The following RIMS2 variants were observed in gnomAD, a reference collection of about 807,000 sequenced individuals.
The protein encoded by RIMS2 is regulating synaptic membrane exocytosis 2.
In RIMS2, 59 loss-of-function variants were observed where a neutral mutation model predicts 174.4. That is an observed-to-expected ratio of 0.34 (90% CI 0.27 to 0.42). The LOEUF is 0.42. Ranked by LOEUF, RIMS2 falls within the 10% of genes least tolerant of loss-of-function variation. The pLI, the probability that RIMS2 is intolerant of heterozygous loss-of-function variation, is 1.00. For synonymous variants in RIMS2, 606 were observed against 572.5 expected (o/e 1.06, Z -0.84); for missense variants, 1,620 against 1,666.3 (o/e 0.97, Z 0.48).
intron 3 of RIMS2, among the ~76,000 whole-genome samples, chr8:103,875,554 A>G (rs1565051587): frequency 6.6e-6 from 1 of 152,022 alleles, no homozygotes; most frequent in Non-Finnish European, 1.5e-5. Flanking sequence ...GCCATCGTAA[A>G]TTGTACTGTG....
intron 1 of RIMS2, among the ~76,000 whole-genome samples, chr8:103,683,320 G>C (rs951248588): frequency 3.3e-5 from 5 of 152,264 alleles, no homozygotes; most frequent in Non-Finnish European, 5.9e-5. Flanking sequence ...TGGTTAAAGA[G>C]GAAGTAAGAG....
At chr8:103,773,142 GA>G (rs889613439) in intron 3 of RIMS2, among the ~76,000 whole-genome samples, 226 of 144,828 alleles carry the variant, frequency 1.6e-3, no homozygotes, top group African/African-American at 3.9e-3. Flanking sequence ...TCTATAAAAT[GA>G]AAAAAAAAAT....
chr8:103,724,366 T>C (rs913492224), intron 2 of RIMS2, among the ~76,000 whole-genome samples: 6 of 152,230 alleles, frequency 3.9e-5, no homozygotes, highest in African/African-American at 1.4e-4. Context: ...TCATTTGTAT[T>C]ACTATATTTG....
chr8:103,721,910 T>C (rs773064971), intron 2 of RIMS2, among the ~76,000 whole-genome samples: 2 of 152,132 alleles, frequency 1.3e-5, no homozygotes, highest in African/African-American at 2.4e-5. Context: ...GCTTTCTGCA[T>C]TGAATGAGGA....
At chr8:104,151,416 A>G (rs2098688304) in intron 19 of RIMS2, among the ~76,000 whole-genome samples, 2 of 152,164 alleles carry the variant, frequency 1.3e-5, no homozygotes, top group East Asian at 1.9e-4. Context: ...AAAAAATACA[A>G]AAGTTAGCCC....
intron 1 of RIMS2, among the ~76,000 whole-genome samples, chr8:103,548,496 C>A (rs527562099): frequency 6.6e-6 from 1 of 151,540 alleles, no homozygotes; most frequent in East Asian, 1.9e-4. Flanking sequence ...TTGCAACAAA[C>A]TAGGCATTGA....
At chr8:103,760,873 A>G (rs1053615486) in intron 2 of RIMS2, among the ~76,000 whole-genome samples, 2 of 152,262 alleles carry the variant, frequency 1.3e-5, no homozygotes, top group Non-Finnish European at 2.9e-5. Context: ...TAAATATTGT[A>G]TAAGTAAATA....
At chr8:103,602,040 C>G (rs1164979397) in intron 1 of RIMS2, among the ~76,000 whole-genome samples, 1 of 152,024 alleles carries the variant, frequency 6.6e-6, no homozygotes, top group Non-Finnish European at 1.5e-5. Context: ...GGCTGGAGTG[C>G]AGTGGCATGA....
At chr8:103,654,822 G>C (rs1401570120) in intron 1 of RIMS2, among the ~76,000 whole-genome samples, 1 of 151,818 alleles carries the variant, frequency 6.6e-6, no homozygotes, top group East Asian at 1.9e-4. Context: ...TTCATTTTAA[G>C]TTTTAAATGT....
At chr8:104,126,105 C>A (rs912073861) in intron 19 of RIMS2, among the ~76,000 whole-genome samples, 32 of 152,098 alleles carry the variant, frequency 2.1e-4, no homozygotes, top group African/African-American at 7.7e-4. Flanking sequence ...GCACCAGGGA[C>A]CAGTTTCATG....
At chr8:103,885,986 A>G (rs747899633) in exon 4 of RIMS2, 4 of 1,613,046 alleles carry the variant, frequency 2.5e-6, no homozygotes, top group South Asian at 1.1e-5. Context: ...CTTAGATCCT[A>G]GCTCTGCTGT....
intron 3 of RIMS2, among the ~76,000 whole-genome samples, chr8:103,787,578 T>G (rs2098455688): frequency 6.6e-6 from 1 of 152,176 alleles, no homozygotes; most frequent in South Asian, 2.1e-4. Flanking sequence ...ATTCTTTTCT[T>G]TAAGAATGTT....
intron 19 of RIMS2, among the ~76,000 whole-genome samples, chr8:104,131,461 A>C (rs2132976688): frequency 6.6e-6 from 1 of 152,268 alleles, no homozygotes; most frequent in East Asian, 1.9e-4. Context: ...TGCATGTGTT[A>C]ATTAATACAT....
rs573250153 is a variant in RIMS2, at chr8:104,221,252, G to T, written c.3335-23664G>T. Among the ~76,000 whole-genome samples, 171 of 152,052 alleles carry T rather than the reference G, an allele frequency of 1.1e-3. 1 individual carries two copies. The highest frequency in any genetic ancestry group is 3.8e-3 in the African/African-American group (159 of 41,462). ...TTTTACATCACAGCTCAATACATAC[G>T]TGCGCACACACATAAACATACATAT... is the stretch of plus-strand genomic sequence containing the variant. On this transcript the variant is annotated intron_variant, in intron 19 of 23. Transcript: ENST00000504942.
intron 19 of RIMS2, among the ~76,000 whole-genome samples, chr8:104,220,278 GA>G (rs10715414): frequency 0.19 from 28,424 of 147,372 alleles, 2,904 homozygotes; most frequent in Non-Finnish European, 0.23. Flanking sequence ...AAGATCCTAG[GA>G]AAAAAATATC....
At chr8:103,548,397 A>T (rs1846072862) in intron 1 of RIMS2, among the ~76,000 whole-genome samples, 1 of 152,192 alleles carries the variant, frequency 6.6e-6, no homozygotes, top group South Asian at 2.1e-4. Context: ...ACATAAACAG[A>T]ATTCACCACA....
At chr8:103,537,296 G>A (rs1004173330) in intron 1 of RIMS2, among the ~76,000 whole-genome samples, 2 of 152,104 alleles carry the variant, frequency 1.3e-5, no homozygotes, top group African/African-American at 4.8e-5. Context: ...TATGGTTAAC[G>A]CCTGAGAGCA....
At chr8:103,632,730 G>GTTT (rs2095963446) in intron 1 of RIMS2, among the ~76,000 whole-genome samples, 2 of 84,744 alleles carry the variant, frequency 2.4e-5, no homozygotes, top group African/African-American at 1.1e-4. Context: ...CATATTTATT[G>GTTT]ATTTTTTTTT....
At chr8:104,080,952 A>T (rs771196970) in intron 19 of RIMS2, among the ~76,000 whole-genome samples, 1 of 152,060 alleles carries the variant, frequency 6.6e-6, no homozygotes, top group Non-Finnish European at 1.5e-5. Flanking sequence ...AGAGAGTGGA[A>T]ACATCTCTAT....
Sources: allele counts gnomAD v4.1 joint callset (sites outside exome capture counted in the v4.1 genomes callset), GRCh38; gene constraint gnomAD v4.1.1; transcripts MANE v1.5; gene names NCBI Gene and HGNC (gene_info 2026-07-23, HGNC 2026-07-21).